The following ATP6V1H variants were observed in gnomAD, a reference collection of about 807,000 sequenced individuals.
The protein encoded by ATP6V1H is V-type proton ATPase subunit H.
Under a neutral mutation model 71.7 loss-of-function variants are expected in ATP6V1H, and 39 were observed. That is an observed-to-expected ratio of 0.54 (90% confidence interval 0.42 to 0.71). The LOEUF is 0.71. Among genes scored for constraint, ATP6V1H ranks in the 30% least tolerant of loss-of-function variants. The pLI is 0.00. For missense variants in ATP6V1H, 509 were observed against 594.9 expected, an observed-to-expected ratio of 0.86 and a Z score of 1.50; for synonymous variants, 192 against 199.3, an observed-to-expected ratio of 0.96 and a Z score of 0.31.
intron 4 of ATP6V1H, among the ~76,000 whole-genome samples, chr8:53,822,293 G>T (rs1391929027): frequency 6.6e-6 from 1 of 152,080 alleles, no homozygotes; most frequent in Admixed American, 6.6e-5. Flanking sequence ...AGAACCAGTG[G>T]TGAAAATTTA....
At chr8:53,718,727 G>A (rs1025085961) in intron 13 of ATP6V1H, among the ~76,000 whole-genome samples, 1 of 152,210 alleles carries the variant, frequency 6.6e-6, no homozygotes, top group Admixed American at 6.5e-5. Context: ...AAGGTAGCCC[G>A]GAGGCATCTA....
At chr8:53,766,710 G>A (rs1808483670) in intron 11 of ATP6V1H, among the ~76,000 whole-genome samples, 1 of 152,182 alleles carries the variant, frequency 6.6e-6, no homozygotes, top group South Asian at 2.1e-4. Flanking sequence ...GGTTGAGACT[G>A]CAGAGGTGAA....
chr8:53,774,674 A>G (rs1162169339), intron 9 of ATP6V1H, among the ~76,000 whole-genome samples: 1 of 152,180 alleles, frequency 6.6e-6, no homozygotes, highest in Non-Finnish European at 1.5e-5. Flanking sequence ...AACAAAAGGT[A>G]GCAGAAACTA....
At chr8:53,755,728 ATATATATATATATAT>A (rs1808020325) in intron 12 of ATP6V1H, among the ~76,000 whole-genome samples, 1 of 5,896 alleles carries the variant, frequency 1.7e-4, no homozygotes, top group African/African-American at 1.3e-3. Context: ...ATATATATAT[ATATATATATATATAT>A]ATTTTTTTTT....
intron 13 of ATP6V1H, among the ~76,000 whole-genome samples, chr8:53,730,597 G>A (rs1047979171): frequency 6.6e-6 from 1 of 152,112 alleles, no homozygotes; most frequent in Non-Finnish European, 1.5e-5. Context: ...TACCTCTGAG[G>A]AGATCTGTGC....
intron 13 of ATP6V1H, 21 bp from the exon 14 acceptor site, chr8:53,716,045 A>G: frequency 6.3e-7 from 1 of 1,591,858 alleles, no homozygotes; most frequent in Non-Finnish European, 8.6e-7. Context: ...AGAATGAAGT[A>G]AGGAGAATGA....
At chr8:53,773,169 A>G (rs1005403887) in intron 9 of ATP6V1H, among the ~76,000 whole-genome samples, 4 of 152,194 alleles carry the variant, frequency 2.6e-5, no homozygotes, top group African/African-American at 9.7e-5. Flanking sequence ...TTGATATTCA[A>G]TAATAAAATA....
chr8:53,762,264 A>C (rs1437637496), intron 11 of ATP6V1H, among the ~76,000 whole-genome samples: 1 of 145,634 alleles, frequency 6.9e-6, no homozygotes, highest in African/African-American at 2.7e-5. Context: ...AGGAACACTA[A>C]AAAAAAAAAA....
chr8:53,771,074 A>G (rs1385396289), intron 10 of ATP6V1H, among the ~76,000 whole-genome samples: 2 of 152,216 alleles, frequency 1.3e-5, no homozygotes, highest in African/African-American at 4.8e-5. Context: ...TGGAGCACAT[A>G]CTATGCTGAA....
chr8:53,789,490 A>C (rs1809498624), intron 9 of ATP6V1H, among the ~76,000 whole-genome samples: 1 of 152,180 alleles, frequency 6.6e-6, no homozygotes, highest in African/African-American at 2.4e-5. Flanking sequence ...CTCAAAAAGA[A>C]AAAAAATTAT....
chr8:53,813,606 G>A (rs1229628975), intron 6 of ATP6V1H, among the ~76,000 whole-genome samples: 1 of 151,884 alleles, frequency 6.6e-6, no homozygotes, highest in East Asian at 1.9e-4. Context: ...CTCCTCTTCT[G>A]AGTATCAATC....
chr8:53,783,831 T>C (rs1010763710), intron 9 of ATP6V1H, among the ~76,000 whole-genome samples: 2 of 152,210 alleles, frequency 1.3e-5, no homozygotes, highest in Admixed American at 1.3e-4. Context: ...GGTTGTTCAG[T>C]TTCCATGTAG....
chr8:53,794,049 C>T (rs1364089864), intron 9 of ATP6V1H, among the ~76,000 whole-genome samples: 1 of 151,978 alleles, frequency 6.6e-6, no homozygotes, highest in African/African-American at 2.4e-5. Flanking sequence ...GTAAAAGAAA[C>T]TAGAAACACC....
intron 4 of ATP6V1H, among the ~76,000 whole-genome samples, chr8:53,824,562 G>A (rs1417180223): frequency 6.6e-6 from 1 of 152,068 alleles, no homozygotes; most frequent in African/African-American, 2.4e-5. Context: ...GGTTGGTTCA[G>A]TATTATAAAA....
At chr8:53,819,956 A>G (rs1362821340) in intron 4 of ATP6V1H, among the ~76,000 whole-genome samples, 1 of 151,766 alleles carries the variant, frequency 6.6e-6, no homozygotes, top group East Asian at 1.9e-4. Context: ...ACTAAAAACT[A>G]CACAAAACCC....
intron 12 of ATP6V1H, among the ~76,000 whole-genome samples, chr8:53,748,959 T>TA (rs1276158238): frequency 3.3e-5 from 5 of 152,216 alleles, no homozygotes; most frequent in Non-Finnish European, 5.9e-5. Flanking sequence ...ATTTACCAGA[T>TA]AAAAAAGTCT....
At chr8:53,834,324 A>T (rs1463714106) in intron 2 of ATP6V1H, among the ~76,000 whole-genome samples, 1 of 152,222 alleles carries the variant, frequency 6.6e-6, no homozygotes, top group Non-Finnish European at 1.5e-5. Flanking sequence ...TATAAGAAAA[A>T]GCACTCGCTG....
chr8:53,801,851 G>T lies in ATP6V1H; in HGVS notation c.625C>A (p.Leu209Ile). ...QCVAGCLQLM[L>I]RVNEYRFAWV... ...GCAAAGCGGTACTCATTGACCCGGA[G>T]CATCAGCTGCAAACACCCGGCCACG... Residue 209 changes from leucine (L) to isoleucine (I), a missense_variant, in exon 8 of 14, where the codon CTC becomes ATC. Transcript: ENST00000359530. 6.2e-7 allele frequency: 1 copy of T among 1,614,004 alleles called. No homozygotes were observed. Among genetic ancestry groups the T allele is most frequent in the Non-Finnish European group, 8.5e-7 (1 of 1,179,976 alleles).
intron 9 of ATP6V1H, among the ~76,000 whole-genome samples, chr8:53,780,951 C>T (rs947449845): frequency 9.9e-5 from 15 of 152,114 alleles, no homozygotes; most frequent in South Asian, 2.1e-4. Context: ...TGTTGGACAT[C>T]TGGGTTGGTT....
Sources: allele counts gnomAD v4.1 joint callset (sites outside exome capture counted in the v4.1 genomes callset), GRCh38; gene constraint gnomAD v4.1.1; transcripts MANE v1.5; gene names NCBI Gene and HGNC (gene_info 2026-07-23, HGNC 2026-07-21).